AXDND1: variants seen among roughly 807,000 people sequenced by gnomAD.
AXDND1 encodes the protein axonemal dynein light chain domain-containing protein 1.
A neutral mutation model predicts 137.5 loss-of-function variants in AXDND1; 110 were observed. The ratio of observed to expected loss-of-function variants is 0.80; its 90% CI spans 0.69 to 0.94. The LOEUF (loss-of-function observed/expected upper bound fraction) is 0.94, where lower values mean the gene tolerates loss of function less well. AXDND1 is among the 40% of genes least tolerant of loss of function. AXDND1 has a pLI of 0.00. For missense variants in AXDND1, 1,191 were observed against 1,169.8 expected, an observed-to-expected ratio of 1.02 and a Z score of -0.26; for synonymous variants, 414 against 399.7, an observed-to-expected ratio of 1.04 and a Z score of -0.43.
chr1:179,537,757 A>G (rs1671698899), intron 25 of AXDND1, among the ~76,000 whole-genome samples: 1 of 152,178 alleles, frequency 6.6e-6, no homozygotes, highest in African/African-American at 2.4e-5. Flanking sequence ...GAATAGTTTC[A>G]GAAGGAATGG....
chr1:179,508,385 C>G (rs1668723575), intron 20 of AXDND1, among the ~76,000 whole-genome samples: 1 of 151,842 alleles, frequency 6.6e-6, no homozygotes, highest in African/African-American at 2.4e-5. Flanking sequence ...TATATTACTG[C>G]TCATTGTGGT....
At chr1:179,472,727 C>G (rs1482443258) in intron 17 of AXDND1, among the ~76,000 whole-genome samples, 3 of 152,022 alleles carry the variant, frequency 2.0e-5, no homozygotes, top group Non-Finnish European at 2.9e-5. Flanking sequence ...ATGGAGTGAT[C>G]CTTTTATAAT....
chr1:179,388,757 T>A (rs1649622211), intron 9 of AXDND1, among the ~76,000 whole-genome samples: 1 of 150,582 alleles, frequency 6.6e-6, no homozygotes, highest in Non-Finnish European at 1.5e-5. Flanking sequence ...CTGGCTATTT[T>A]TTTTTTTTTT....
intron 11 of AXDND1, among the ~76,000 whole-genome samples, chr1:179,409,687 T>A (rs527237165): frequency 6.6e-6 from 1 of 152,046 alleles, no homozygotes; most frequent in African/African-American, 2.4e-5. Context: ...TTTGAGACCA[T>A]CCTGGCCAAC....
chr1:179,554,411 A>T, intron 25 of AXDND1, 101 bp from the exon 26 acceptor site: 1 of 1,603,280 alleles, frequency 6.2e-7, no homozygotes, highest in Non-Finnish European at 8.5e-7. Context: ...CAAATGAAAA[A>T]TTTAAAATGA....
At chr1:179,401,779 G>A (rs1426742270) in intron 11 of AXDND1, among the ~76,000 whole-genome samples, 3 of 152,090 alleles carry the variant, frequency 2.0e-5, no homozygotes, top group Non-Finnish European at 4.4e-5. Context: ...CTCTTTGCCT[G>A]CCGCTATGTA....
intron 4 of AXDND1, 103 bp from the exon 5 acceptor site, chr1:179,378,534 G>A: frequency 2.3e-6 from 2 of 876,120 alleles, no homozygotes; most frequent in Non-Finnish European, 3.2e-6. Flanking sequence ...CTGACACAGA[G>A]GACCATCTTA....
At chr1:179,453,276 A>C (rs964348927) in intron 16 of AXDND1, 1 of 152,258 alleles carries the variant, frequency 6.6e-6, no homozygotes, top group African/African-American at 2.4e-5. Flanking sequence ...TGGAGTTATG[A>C]GAAGAGGGCC....
At chr1:179,369,886 A>G (rs1667860375) in intron 3 of AXDND1, 89 bp from the exon 4 acceptor site, 1 of 967,414 alleles carries the variant, frequency 1.0e-6, no homozygotes, top group South Asian at 1.6e-5. Flanking sequence ...CCCTTAATGT[A>G]AATACAGTAC....
chr1:179,480,398 C>T (rs898029557), intron 17 of AXDND1, among the ~76,000 whole-genome samples: 10 of 152,310 alleles, frequency 6.6e-5, no homozygotes, highest in African/African-American at 2.4e-4. Flanking sequence ...GACTTATTCA[C>T]TACCACGAGA....
chr1:179,440,181 C>T (rs1474417064), intron 15 of AXDND1, among the ~76,000 whole-genome samples: 1 of 152,020 alleles, frequency 6.6e-6, no homozygotes, highest in Non-Finnish European at 1.5e-5. Context: ...TCTATAATGC[C>T]TTGTCCTCTA....
chr1:179,468,046 T>C lies in AXDND1; in HGVS notation c.1799-397T>C, dbSNP rs184001396. Among the ~76,000 whole-genome samples, 7 of 152,304 alleles carry C rather than the reference T, an allele frequency of 4.6e-5. No homozygotes were observed. In the East Asian group the frequency reaches 1.3e-3, roughly 29 times the overall value. On this transcript the variant is annotated intron_variant, in intron 16 of 25. Coordinates refer to ENST00000367618, the MANE Select transcript of AXDND1 (RefSeq NM_144696.6). ...CAAGAACTATGATAATCTATTTTAA[T>C]TTGTTATTCACTATCCCATAATCAT...
intron 12 of AXDND1, among the ~76,000 whole-genome samples, chr1:179,422,200 T>C (rs1244067160): frequency 2.6e-5 from 4 of 152,160 alleles, no homozygotes; most frequent in Non-Finnish European, 5.9e-5. Context: ...TTGAGGTGCA[T>C]TGTTAGGTTA....
At chr1:179,442,044 G>A (rs561683595) in intron 15 of AXDND1, among the ~76,000 whole-genome samples, 25 of 152,218 alleles carry the variant, frequency 1.6e-4, no homozygotes, top group Non-Finnish European at 3.1e-4. Flanking sequence ...CTAGTGGAGT[G>A]TGTTCATGAA....
chr1:179,552,404 G>A, intron 25 of AXDND1: 1 of 624,092 alleles, frequency 1.6e-6, no homozygotes, highest in South Asian at 1.8e-5. Context: ...ATTATCAGTA[G>A]CTTCAGAGAG....
At position 179,430,556 on chromosome 1, in the gene AXDND1, G is replaced by A; in HGVS notation, c.1437G>A (p.Glu479=). 1 of 1,613,862 alleles carries A rather than the reference G, an allele frequency of 6.2e-7. No individual in the cohort carries two copies. The highest frequency in any genetic ancestry group is 1.3e-5 in the African/African-American group (1 of 75,044). ...AACAAATGGAAGAGTCTACAAGCGA[G>A]ACACTGAAAATTGTTAAGGATGGGC... ...EVEQMEESTS[E]TLKIVKDGLI... The change falls in exon 14 of 26, where the codon GAG becomes GAA. Residue 479 remains glutamate, a synonymous_variant. Transcript: ENST00000367618.
At chr1:179,371,640 T>G (rs12122753) in intron 4 of AXDND1, among the ~76,000 whole-genome samples, 2 of 152,006 alleles carry the variant, frequency 1.3e-5, no homozygotes, top group Non-Finnish European at 1.5e-5. Flanking sequence ...ATAGATTATC[T>G]TAGATTGTCA....
At chr1:179,536,583 G>A (rs1227069362) in intron 25 of AXDND1, among the ~76,000 whole-genome samples, 5 of 152,082 alleles carry the variant, frequency 3.3e-5, no homozygotes, top group African/African-American at 1.2e-4. Context: ...ATCTGTTTTG[G>A]TACCAGTACC....
intron 15 of AXDND1, among the ~76,000 whole-genome samples, chr1:179,436,285 T>C (rs1276011115): frequency 2.0e-5 from 3 of 152,210 alleles, no homozygotes; most frequent in Non-Finnish European, 1.5e-5. Context: ...GACAATGTAG[T>C]GATGCCTCAA....
Sources: allele counts gnomAD v4.1 joint callset (sites outside exome capture counted in the v4.1 genomes callset), GRCh38; gene constraint gnomAD v4.1.1; transcripts MANE v1.5; gene names NCBI Gene and HGNC (gene_info 2026-07-23, HGNC 2026-07-21).